Variants in PPARA observed in about 807,000 individuals in gnomAD.
PPARA encodes the protein peroxisome proliferator activated receptor alpha.
In PPARA, 22 loss-of-function variants were observed where a neutral mutation model predicts 42.2. The observed-to-expected ratio is 0.52, with a 90% CI of 0.37 to 0.74. The LOEUF (loss-of-function observed/expected upper bound fraction) is 0.74. Ranked by LOEUF, PPARA falls within the 30% of genes least tolerant of loss-of-function variation. The probability of loss-of-function intolerance (pLI) is 0.00; values close to 1 mark genes in which losing one functional copy is unlikely to be tolerated. For missense variants in PPARA, 465 were observed against 608.2 expected, an observed-to-expected ratio of 0.76 and a Z score of 2.48; for synonymous variants, 242 against 239.3, an observed-to-expected ratio of 1.01 and a Z score of -0.10.
At chr22:46,215,830 G>C (rs971436658) in intron 5 of PPARA, among the ~76,000 whole-genome samples, 1 of 152,294 alleles carries the variant, frequency 6.6e-6, no homozygotes, top group Middle Eastern at 3.4e-3. Context: ...ACCCCTGAGA[G>C]CGTAAGCCCT....
intron 7 of PPARA, among the ~76,000 whole-genome samples, chr22:46,228,203 C>T (rs958631590): frequency 1.3e-5 from 2 of 152,232 alleles, no homozygotes; most frequent in Non-Finnish European, 2.9e-5. Flanking sequence ...GGTGTTCATG[C>T]TCCGCTGTTG....
At chr22:46,223,010 A>G (rs539283235) in intron 7 of PPARA, among the ~76,000 whole-genome samples, 27 of 152,252 alleles carry the variant, frequency 1.8e-4, no homozygotes, top group African/African-American at 4.6e-4. Flanking sequence ...AAATAAAAAC[A>G]TTATCCAGGC....
chr22:46,185,946 TATATATATATATATATATAC>T lies in PPARA; in HGVS notation c.-43+9112_-43+9131del, dbSNP rs1427694924. Among the ~76,000 whole-genome samples, 294 of 53,062 alleles carry T rather than the reference TATATATATATATATATATAC, an allele frequency of 5.5e-3. 27 individuals are homozygous for T. The highest frequency in any genetic ancestry group is 7.9e-3 in the Admixed American group (30 of 3,808). The allele number at this position is 53,062 out of a possible 152,430, so 34.8% of individuals were successfully genotyped here. A position where few individuals can be genotyped will look rare whatever the true frequency, so the allele number is the denominator to read the frequency against. ...ATATATATATATATATATATATATA[TATATATATATATATATATAC>T]ACACACACTAACCTTCAGCATATAG... is the stretch of plus-strand genomic sequence containing the variant. On this transcript the variant is annotated intron_variant, in intron 3 of 8. Coordinates refer to ENST00000407236, the MANE Select transcript of PPARA (RefSeq NM_005036.6).
intron 2 of PPARA, among the ~76,000 whole-genome samples, chr22:46,174,266 G>GAAGGAAGA (rs1928642014): frequency 1.5e-5 from 1 of 64,702 alleles, no homozygotes; most frequent in African/African-American, 5.9e-5. Context: ...AGGAAGGAAG[G>GAAGGAAGA]AAGGAAGGAA....
At position 46,167,164 on chromosome 22, in the gene PPARA, C is replaced by T. The variant is rs556490585; in HGVS notation, c.-126-9589C>T. Among the ~76,000 whole-genome samples the T allele has an allele frequency of 1.5e-4, 23 of 152,028 alleles. No individual in the cohort carries two copies. The highest frequency in any genetic ancestry group is 4.3e-4 in the African/African-American group (18 of 41,486). The stretch of plus-strand genomic sequence containing the variant: ...ATCTTTTCAACAAATGATACCGGAA[C>T]AACTGGATAGCCATATGCAAAAGAA... On this transcript the variant is annotated intron_variant, in intron 2 of 8. Coordinates refer to ENST00000407236, the MANE Select transcript of PPARA (RefSeq NM_005036.6). The surrounding 1 kb of genome is among the most constrained non-coding windows in gnomAD (Gnocchi z 4.1).
At position 46,192,826 on chromosome 22, in the gene PPARA, C is replaced by G. The variant is rs1290063336; in HGVS notation, c.-42-5516C>G. Among the ~76,000 whole-genome samples the G allele has an allele frequency of 2.6e-5, 4 of 152,162 alleles. No homozygotes were observed. Among genetic ancestry groups the G allele is most frequent in the Non-Finnish European group, 4.4e-5 (3 of 68,044 alleles). On this transcript the variant is annotated intron_variant, in intron 3 of 8. Transcript: ENST00000407236. The surrounding 1 kb of genome is among the most constrained non-coding windows in gnomAD (Gnocchi z 4.3). Reference sequence around the variant, plus strand: ...AAGAATGAGATCCTGTCATTTACAACAACATGGGTGGAACTGGAGATCATT... The same window carrying G: ...AAGAATGAGATCCTGTCATTTACAAGAACATGGGTGGAACTGGAGATCATT...
chr22:46,171,359 A>C lies in PPARA; in HGVS notation c.-126-5394A>C, dbSNP rs946901107. Reference sequence around the variant, plus strand: ...ATTGTTCTAAGATACGTAAGTGAACAAAACCCATGACACCCTCGTCTATGA... The same window carrying C: ...ATTGTTCTAAGATACGTAAGTGAACCAAACCCATGACACCCTCGTCTATGA... On this transcript the variant is annotated intron_variant, in intron 2 of 8. Coordinates refer to ENST00000407236, the MANE Select transcript of PPARA (RefSeq NM_005036.6). The surrounding 1 kb of genome is among the most constrained non-coding windows in gnomAD (Gnocchi z 5.0). The C allele has an allele frequency of 3.3e-5, 5 of 152,328 alleles. No individual in the cohort carries two copies. Among genetic ancestry groups the C allele is most frequent in the African/African-American group, 1.2e-4 (5 of 41,466 alleles). The allele number at this position is 152,328 out of a possible 1,614,324, so 9.4% of individuals were successfully genotyped here.
chr22:46,186,183 C>G (rs138067398), intron 3 of PPARA, among the ~76,000 whole-genome samples: 161 of 151,550 alleles, frequency 1.1e-3, no homozygotes, highest in African/African-American at 3.8e-3. Flanking sequence ...ATTCATAGAC[C>G]GGATGCCATC....
rs551515302 is a variant in PPARA, at chr22:46,214,938, G to A, written c.209-235G>A. Among the ~76,000 whole-genome samples, 11 of 152,268 alleles carry A rather than the reference G, an allele frequency of 7.2e-5. No individual in the cohort carries two copies. The South Asian group carries it at 1.2e-3, about 17-fold the overall frequency. The stretch of plus-strand genomic sequence containing the variant: ...GAGGTGTGTGGGTCCGGAGCTCGGG[G>A]TCAGCTCAGCAGCAGTGAGAGCGAG... On this transcript the variant is annotated intron_variant, in intron 4 of 8. Coordinates refer to ENST00000407236, the MANE Select transcript of PPARA (RefSeq NM_005036.6).
rs756998261 is a variant in PPARA at position 46,224,201 on chromosome 22, G to A, written c.711+4187G>A. 2.6e-5 allele frequency among the ~76,000 whole-genome samples: 4 copies of A among 152,176 alleles called. No individual in the cohort carries two copies. The highest frequency in any genetic ancestry group is 9.7e-5 in the African/African-American group (4 of 41,426). The stretch of plus-strand genomic sequence containing the variant: ...CGTCCCACCCCATGTCCTTGTCTGC[G>A]CACGGGACGCTGGAGGCACGGCCCC... On this transcript the variant is annotated intron_variant, in intron 7 of 8. Coordinates refer to ENST00000407236, the MANE Select transcript of PPARA (RefSeq NM_005036.6). The surrounding 1 kb of genome is among the most constrained non-coding windows in gnomAD (Gnocchi z 5.7).
Position 46,198,512 on chromosome 22 carries a change from G to A in PPARA, c.129G>A (p.Glu43=), listed in dbSNP as rs772824944. ...NIQEISQSIG[E]DSSGSFGFTE... Reference sequence around the variant, plus strand: ...AAGAGATTTCGCAATCCATCGGCGAGGATAGTTCTGGAAGCTTTGGCTTTA... The same window carrying A: ...AAGAGATTTCGCAATCCATCGGCGAAGATAGTTCTGGAAGCTTTGGCTTTA... Residue 43 remains glutamate, a synonymous_variant, in exon 4 of 9, where the codon GAG becomes GAA. Coordinates refer to ENST00000407236, the MANE Select transcript of PPARA (RefSeq NM_005036.6). The A allele has an allele frequency of 6.2e-7, 1 of 1,614,058 alleles. No individual in the cohort carries two copies. Among genetic ancestry groups the A allele is most frequent in the Non-Finnish European group, 8.5e-7 (1 of 1,180,008 alleles).
intron 4 of PPARA, among the ~76,000 whole-genome samples, chr22:46,209,580 A>G (rs1254413384): frequency 6.6e-6 from 1 of 152,122 alleles, no homozygotes; most frequent in African/African-American, 2.4e-5. Flanking sequence ...TTCTTCTGCA[A>G]TATCTAATCT....
chr22:46,234,653 C>T lies in PPARA; in HGVS notation c.1160-480C>T, dbSNP rs1363241453. 1.3e-5 allele frequency among the ~76,000 whole-genome samples: 2 copies of T among 152,226 alleles called. No individual in the cohort carries two copies. Among genetic ancestry groups the T allele is most frequent in the African/African-American group, 4.8e-5 (2 of 41,468 alleles). On this transcript the variant is annotated intron_variant, in intron 8 of 8. Coordinates refer to ENST00000407236, the MANE Select transcript of PPARA (RefSeq NM_005036.6). This position sits in a 1 kb window ranked among gnomAD's most constrained non-coding sequence, Gnocchi z 5.8. ...GAGTATCTGGGATTACAGGCGTGAG[C>T]CACCGTGCCTGGCCTACAAAACCTA... is the stretch of plus-strand genomic sequence containing the variant.
rs1315693660 is a variant in PPARA at position 46,163,422 on chromosome 22, G to A, written c.-127+11452G>A. On this transcript the variant is annotated intron_variant, in intron 2 of 8. Transcript: ENST00000407236. The surrounding 1 kb of genome is among the most constrained non-coding windows in gnomAD (Gnocchi z 4.9). ...ATATTGAAGATACACTGCCTGCTTAGTTGTGGCTTCAGCCTTTGCTCCGTC... is the reference window on the plus strand; with the variant it reads ...ATATTGAAGATACACTGCCTGCTTAATTGTGGCTTCAGCCTTTGCTCCGTC... 6.6e-6 allele frequency: 1 copy of A among 152,208 alleles called. No individual in the cohort carries two copies. Among genetic ancestry groups the A allele is most frequent in the African/African-American group, 2.4e-5 (1 of 41,460 alleles). 9.4% of individuals were successfully genotyped at this position (152,208 alleles called of 1,614,324 possible).
At chr22:46,158,161 C>A (rs1166860143) in intron 2 of PPARA, among the ~76,000 whole-genome samples, 1 of 152,068 alleles carries the variant, frequency 6.6e-6, no homozygotes, top group Admixed American at 6.6e-5. Flanking sequence ...GTAATCCCAG[C>A]ACTTTGGGAG....
At chr22:46,175,851 A>G (rs1928965484) in intron 2 of PPARA, 1 of 152,244 alleles carries the variant, frequency 6.6e-6, no homozygotes, top group South Asian at 2.1e-4. Context: ...AGTAATTTCC[A>G]TGGTATGGAG....
chr22:46,177,033 A>T (rs971026727), intron 3 of PPARA, among the ~76,000 whole-genome samples, 197 bp downstream of exon 3: 13 of 152,058 alleles, frequency 8.5e-5, no homozygotes, highest in South Asian at 2.1e-4. Context: ...ACACAGTGAA[A>T]CCCTGTCTCT....
Position 46,198,509 on chromosome 22 carries a change from C to G in PPARA, c.126C>G (p.Gly42=), listed in dbSNP as rs144938970. 30 of 1,613,830 alleles carry G rather than the reference C, an allele frequency of 1.9e-5. No individual in the cohort carries two copies. The highest frequency in any genetic ancestry group is 2.2e-5 in the Non-Finnish European group (26 of 1,180,010). Residue 42 remains glycine, a synonymous_variant, in exon 4 of 9, where the codon GGC becomes GGG. Transcript: ENST00000407236. The part of the protein sequence containing the change: ...GNIQEISQSI[G]EDSSGSFGFT... ...TCCAAGAGATTTCGCAATCCATCGG[C>G]GAGGATAGTTCTGGAAGCTTTGGCT...
In PPARA at chr22:46,195,675, C is replaced by G. The variant is rs1055940346; in HGVS notation, c.-42-2667C>G. 5.3e-5 allele frequency among the ~76,000 whole-genome samples: 8 copies of G among 152,172 alleles called. No homozygotes were observed. Among genetic ancestry groups the G allele is most frequent in the African/African-American group, 1.7e-4 (7 of 41,442 alleles). Reference sequence around the variant, plus strand: ...AACCTCAAATGTGAACATATTTTTACGCAAATGCATTTAATGGGTGAATAT... The same window carrying G: ...AACCTCAAATGTGAACATATTTTTAGGCAAATGCATTTAATGGGTGAATAT... On this transcript the variant is annotated intron_variant, in intron 3 of 8. Coordinates refer to ENST00000407236, the MANE Select transcript of PPARA (RefSeq NM_005036.6). The surrounding 1 kb of genome is among the most constrained non-coding windows in gnomAD (Gnocchi z 4.6).
Sources: allele counts gnomAD v4.1 joint callset (sites outside exome capture counted in the v4.1 genomes callset), GRCh38; gene constraint gnomAD v4.1.1; non-coding constraint Gnocchi (gnomAD v3.1); transcripts MANE v1.5; gene names NCBI Gene and HGNC (gene_info 2026-07-23, HGNC 2026-07-21).